Variants in NDST4 observed in about 807,000 individuals in gnomAD.
NDST4 encodes N-deacetylase and N-sulfotransferase 4, also known as N-heparan sulfate sulfotransferase 4.
Under a neutral mutation model 100.8 loss-of-function variants are expected in NDST4, and 63 were observed. The ratio of observed to expected loss-of-function variants is 0.62; its 90% CI spans 0.51 to 0.77. NDST4 has a LOEUF of 0.77. Ranked by LOEUF, NDST4 falls within the 30% of genes least tolerant of loss-of-function variation. The pLI is 0.00. For synonymous variants in NDST4, 377 were observed against 361.8 expected, an observed-to-expected ratio of 1.04 and a Z score of -0.48; for missense variants, 943 against 1,018.4, an observed-to-expected ratio of 0.93 and a Z score of 1.01.
chr4:115,055,522 T>C (rs1030572080), intron 2 of NDST4, among the ~76,000 whole-genome samples: 1 of 152,168 alleles, frequency 6.6e-6, no homozygotes, highest in African/African-American at 2.4e-5. Context: ...AATCATTTTG[T>C]TGTTTATTCA....
chr4:115,058,193 C>T (rs1403445916), intron 2 of NDST4, among the ~76,000 whole-genome samples: 1 of 152,068 alleles, frequency 6.6e-6, no homozygotes, highest in Non-Finnish European at 1.5e-5. Context: ...ATACTTTTAC[C>T]TTTTCATAGC....
chr4:115,044,652 C>A, intron 2 of NDST4, among the ~76,000 whole-genome samples: 1 of 146,712 alleles, frequency 6.8e-6, no homozygotes. Flanking sequence ...CCAAATATAC[C>A]AAACATGTTA....
intron 1 of NDST4, among the ~76,000 whole-genome samples, chr4:115,093,549 A>G (rs889249959): frequency 1.2e-4 from 19 of 152,144 alleles, no homozygotes; most frequent in Non-Finnish European, 2.6e-4. Flanking sequence ...TATGCAAAAT[A>G]TGATTCTCAA....
rs190530395 is a variant in NDST4, at chr4:115,033,448, T to C, written c.978+42611A>G. Among the ~76,000 whole-genome samples the C allele has an allele frequency of 1.7e-3, 258 of 151,986 alleles. 1 individual carries two copies. Among genetic ancestry groups the C allele is most frequent in the African/African-American group, 6.0e-3 (249 of 41,536 alleles). Reference sequence around the variant, plus strand: ...TAATTTTTAAGTAGTTAATTGTGTCTTCAATTTTTATAAAACTTATTTATT... The same window carrying C: ...TAATTTTTAAGTAGTTAATTGTGTCCTCAATTTTTATAAAACTTATTTATT... On this transcript the variant is annotated intron_variant, in intron 2 of 13. Transcript: ENST00000264363.
At chr4:114,852,059 A>C (rs1467984887) in intron 8 of NDST4, among the ~76,000 whole-genome samples, 2 of 152,212 alleles carry the variant, frequency 1.3e-5, no homozygotes, top group Non-Finnish European at 2.9e-5. Context: ...TAAAACTGTC[A>C]CATACTGAAG....
chr4:114,837,979 A>C (rs1457553526), intron 11 of NDST4, among the ~76,000 whole-genome samples: 1 of 152,228 alleles, frequency 6.6e-6, no homozygotes, highest in Non-Finnish European at 1.5e-5. Flanking sequence ...ATTTATAAGA[A>C]AAAAACAACC....
intron 1 of NDST4, among the ~76,000 whole-genome samples, chr4:115,110,688 T>C (rs1228549716): frequency 6.6e-6 from 1 of 151,982 alleles, no homozygotes; most frequent in Non-Finnish European, 1.5e-5. Context: ...TTCCTGAGAA[T>C]AAACTGTATT....
At chr4:115,019,451 A>G (rs1349976545) in intron 2 of NDST4, among the ~76,000 whole-genome samples, 1 of 152,080 alleles carries the variant, frequency 6.6e-6, no homozygotes, top group East Asian at 1.9e-4. Flanking sequence ...TGGGTAAATC[A>G]ACTGATTAGA....
rs537223124 is a variant in NDST4, at chr4:114,928,214, G to T, written c.1536+6992C>A. ...GAATTAAATGATGATTGAAAGAAAA[G>T]AATGGAACAGAGAAGCTGGCTTATT... On this transcript the variant is annotated intron_variant, in intron 6 of 13. Transcript: ENST00000264363. Among the ~76,000 whole-genome samples, 258 of 152,254 alleles carry T rather than the reference G, an allele frequency of 1.7e-3. 1 individual carries two copies. The highest frequency in any genetic ancestry group is 2.8e-3 in the Non-Finnish European group (190 of 67,986).
chr4:114,900,081 C>G (rs1724802637), intron 6 of NDST4, among the ~76,000 whole-genome samples: 1 of 152,086 alleles, frequency 6.6e-6, no homozygotes, highest in African/African-American at 2.4e-5. Flanking sequence ...TTTCAAAGAA[C>G]TGCCCCATTT....
chr4:115,065,733 C>T (rs1208530570), intron 2 of NDST4, among the ~76,000 whole-genome samples: 1 of 152,080 alleles, frequency 6.6e-6, no homozygotes, highest in Admixed American at 6.6e-5. Flanking sequence ...TGAGTGACTC[C>T]AGTGGTATCC....
chr4:115,065,380 T>C (rs1057494445), intron 2 of NDST4, among the ~76,000 whole-genome samples: 2 of 152,142 alleles, frequency 1.3e-5, no homozygotes, highest in South Asian at 2.1e-4. Flanking sequence ...CAAGCCCTTG[T>C]CGTTTAAAAG....
At chr4:115,064,741 G>T (rs1225977939) in intron 2 of NDST4, among the ~76,000 whole-genome samples, 1 of 151,970 alleles carries the variant, frequency 6.6e-6, no homozygotes, top group African/African-American at 2.4e-5. Context: ...AAACTAACTT[G>T]TTATTGGTTT....
intron 10 of NDST4, 23 bp downstream of exon 10, chr4:114,845,800 G>T: frequency 6.3e-7 from 1 of 1,580,466 alleles, no homozygotes; most frequent in Non-Finnish European, 8.6e-7. Context: ...AATGCTTTTA[G>T]CCGATTTTTT....
intron 2 of NDST4, among the ~76,000 whole-genome samples, chr4:115,000,836 T>G (rs1239678972): frequency 6.6e-6 from 1 of 152,118 alleles, no homozygotes; most frequent in African/African-American, 2.4e-5. Context: ...CATAAGAAAT[T>G]TATTTCTTAC....
At chr4:115,031,519 T>A (rs1728115944) in intron 2 of NDST4, among the ~76,000 whole-genome samples, 1 of 151,908 alleles carries the variant, frequency 6.6e-6, no homozygotes, top group African/African-American at 2.4e-5. Flanking sequence ...CAAGTAAGAG[T>A]AAGCCACCAG....
At chr4:114,993,598 C>A (rs775402433) in intron 2 of NDST4, among the ~76,000 whole-genome samples, 9 of 151,892 alleles carry the variant, frequency 5.9e-5, no homozygotes, top group Non-Finnish European at 1.3e-4. Context: ...CATAGAAATA[C>A]ATGTAAAATA....
chr4:115,058,974 T>C (rs1560584042), intron 2 of NDST4, among the ~76,000 whole-genome samples: 1 of 138,696 alleles, frequency 7.2e-6, no homozygotes, highest in South Asian at 2.3e-4. Context: ...GAAAGAGTTC[T>C]GAAGCTACAC....
At chr4:115,018,531 A>G (rs1456294870) in intron 2 of NDST4, among the ~76,000 whole-genome samples, 1 of 151,978 alleles carries the variant, frequency 6.6e-6, no homozygotes, top group Admixed American at 6.6e-5. Context: ...GATGGAAATC[A>G]ATTAAGTTAT....
Sources: allele counts gnomAD v4.1 joint callset (sites outside exome capture counted in the v4.1 genomes callset), GRCh38; gene constraint gnomAD v4.1.1; transcripts MANE v1.5; gene names NCBI Gene and HGNC (gene_info 2026-07-23, HGNC 2026-07-21).